HMCN2: variants seen among roughly 807,000 people sequenced by gnomAD.
HMCN2 encodes hemicentin-2.
HMCN2 carries 325 observed loss-of-function variants against 377.5 expected under a neutral mutation model. The ratio of observed to expected loss-of-function variants is 0.86; its 90% CI spans 0.79 to 0.94. HMCN2 has a LOEUF of 0.94. Among genes scored for constraint, HMCN2 ranks in the 40% least tolerant of loss-of-function variants. The pLI, the probability that HMCN2 is intolerant of heterozygous loss-of-function variation, is 0.00. For synonymous variants in HMCN2, 2,007 were observed against 2,046.8 expected, an observed-to-expected ratio of 0.98 and a Z score of 0.53; for missense variants, 4,543 against 4,725.3, an observed-to-expected ratio of 0.96 and a Z score of 1.13.
intron 23 of HMCN2, among the ~76,000 whole-genome samples, chr9:130,338,868 T>C: frequency 6.6e-6 from 1 of 152,200 alleles, no homozygotes; most frequent in East Asian, 1.9e-4. Context: ...TAATATTTTG[T>C]GATATTTCAA....
Position 130,296,779 on chromosome 9 carries a change from G to T in HMCN2, c.997G>T (p.Glu333Ter), listed in dbSNP as rs576084529. The T allele has an allele frequency of 2.1e-6, 1 of 471,140 alleles. No individual in the cohort carries two copies. The highest frequency in any genetic ancestry group is 2.3e-5 in the Admixed American group (1 of 42,576). 29.2% of individuals were successfully genotyped at this position (471,140 alleles called of 1,614,324 possible). The change falls in exon 7 of 98, where the codon GAG becomes TAG. Residue 333 changes from glutamate to a stop codon, truncating the protein, a stop_gained. Coordinates refer to ENST00000683500, the MANE Select transcript of HMCN2 (RefSeq NM_001291815.2). LOFTEE classifies it high-confidence loss of function. ...QPLLDLNHTL[E>*]WPLQGVPISL... ...CTTGCTGGACCTCAACCACACCCTC[G>T]AGTGGCCCTTGCAAGGTACAGTACC...
chr9:130,418,858 C>T lies in HMCN2; in HGVS notation c.13048C>T (p.Pro4350Ser). The change falls in exon 86 of 98, where the codon CCC becomes TCC. Residue 4350 changes from proline (P) to serine (S), a missense_variant. Pro to Ser is a moderately conservative substitution (Grantham distance 74). Transcript: ENST00000683500. ...CCTGCGGTGCCAGGCCACTGGAGAG[C>T]CCACACCCACCATTGAATGGCTACA... is the stretch of plus-strand genomic sequence containing the variant. Reference protein sequence around the residue: ...VALRCQATGEPTPTIEWLQAG... With the variant: ...VALRCQATGESTPTIEWLQAG... 1 of 1,549,124 alleles carries T rather than the reference C, an allele frequency of 6.5e-7. No homozygotes were observed. The highest frequency in any genetic ancestry group is 8.7e-7 in the Non-Finnish European group (1 of 1,146,014).
In HMCN2 at chr9:130,385,589, G is replaced by T; in HGVS notation, c.9136G>T (p.Gly3046Cys). ...VPPAFRQAPRGPQDAVLVRVG... is the reference protein window; with the variant it reads ...VPPAFRQAPRCPQDAVLVRVG... ...CCCGGCCTTCAGGCAGGCTCCCAGAGGTCCCCAGGATGCGGTCCTGGTGAG... is the reference window on the plus strand; with the variant it reads ...CCCGGCCTTCAGGCAGGCTCCCAGATGTCCCCAGGATGCGGTCCTGGTGAG... The change falls in exon 60 of 98, where the codon GGT becomes TGT. Residue 3046 changes from glycine to cysteine, a missense_variant. This residue lies in a region of HMCN2 where 736 missense variants were observed against 773.2 expected (regional missense o/e 0.95). Transcript: ENST00000683500. The T allele has an allele frequency of 5.4e-6, 7 of 1,304,220 alleles. No individual in the cohort carries two copies. The highest frequency in any genetic ancestry group is 7.1e-6 in the Non-Finnish European group (7 of 988,908). 80.8% of individuals were successfully genotyped at this position (1,304,220 alleles called of 1,614,324 possible). A position where few individuals can be genotyped will look rare whatever the true frequency, so the allele number is the denominator to read the frequency against.
At position 130,304,496 on chromosome 9, in the gene HMCN2, C is replaced by T. The variant is rs982946760; in HGVS notation, c.1544-234C>T. ...TGTATTTTGGAGAGCAGGCGTGTAC[C>T]GTGCAGCCCCTGGCAGGTGTATAAT... On this transcript the variant is annotated intron_variant, in intron 10 of 97. Coordinates refer to ENST00000683500, the MANE Select transcript of HMCN2 (RefSeq NM_001291815.2). This position sits in a 1 kb window ranked among gnomAD's most constrained non-coding sequence, Gnocchi z 4.3. 4.6e-5 allele frequency among the ~76,000 whole-genome samples: 7 copies of T among 152,170 alleles called. No individual in the cohort carries two copies. Among genetic ancestry groups the T allele is most frequent in the African/African-American group, 1.7e-4 (7 of 41,432 alleles).
At chr9:130,266,481 T>C (rs1464840997) in intron 1 of HMCN2, among the ~76,000 whole-genome samples, 1 of 152,248 alleles carries the variant, frequency 6.6e-6, no homozygotes, top group African/African-American at 2.4e-5. Flanking sequence ...TGCTGAGATG[T>C]TGAAATGAGG....
chr9:130,408,106 C>A (rs1456545778), intron 83 of HMCN2, among the ~76,000 whole-genome samples: 2 of 152,194 alleles, frequency 1.3e-5, no homozygotes, highest in African/African-American at 4.8e-5. Flanking sequence ...ACCTACTCAT[C>A]CACCAGGAGT....
In HMCN2 at chr9:130,351,195, A is replaced by G. The variant is rs914977; in HGVS notation, c.4431-228A>G. ...TTTCCAGGTTCATCCATACTGTGGC[A>G]AGTGTCAGAATTGCCTTCATTTTTG... On this transcript the variant is annotated intron_variant, in intron 29 of 97. Coordinates refer to ENST00000683500, the MANE Select transcript of HMCN2 (RefSeq NM_001291815.2). The surrounding 1 kb of genome is among the most constrained non-coding windows in gnomAD (Gnocchi z 5.4). Among the ~76,000 whole-genome samples, 100,295 of 151,996 alleles carry G rather than the reference A, an allele frequency of 0.66. 34,418 individuals are homozygous for G. The highest frequency in any genetic ancestry group is 0.76 in the Non-Finnish European group (51,909 of 67,964).
chr9:130,285,913 C>G (rs187589301), intron 3 of HMCN2, among the ~76,000 whole-genome samples: 2 of 152,186 alleles, frequency 1.3e-5, no homozygotes, highest in Non-Finnish European at 2.9e-5. Context: ...CTTCCACGCT[C>G]GTCTTTATTG....
chr9:130,393,856 T>C lies in HMCN2; in HGVS notation c.10349T>C (p.Met3450Thr), dbSNP rs1489126177. ...RGVPLPLVSW[M>T]KDGEPLLSQS... ...GTTCCCCTGCCTCTCGTGTCGTGGA[T>C]GAAGGATGGGGAACCCTTGTTGTCC... Residue 3450 changes from methionine (M) to threonine (T), a missense_variant, in exon 68 of 98, where the codon ATG becomes ACG. Coordinates refer to ENST00000683500, the MANE Select transcript of HMCN2 (RefSeq NM_001291815.2). This position sits in a 1 kb window ranked among gnomAD's most constrained non-coding sequence, Gnocchi z 5.2. 10 of 1,289,424 alleles carry C rather than the reference T, an allele frequency of 7.8e-6. No homozygotes were observed. The East Asian group carries it at 5.6e-4, about 72-fold the overall frequency. The allele number at this position is 1,289,424 out of a possible 1,614,324, so 79.9% of individuals were successfully genotyped here.
Position 130,430,514 on chromosome 9 carries a change from G to T in HMCN2, c.14557G>T (p.Val4853Phe). The T allele has an allele frequency of 6.4e-7, 1 of 1,550,588 alleles. No individual in the cohort carries two copies. Among genetic ancestry groups the T allele is most frequent in the South Asian group, 1.2e-5 (1 of 84,064 alleles). Reference protein sequence around the residue: ...SIPGTSYHAWVSLRPGPMALS... With the variant: ...SIPGTSYHAWFSLRPGPMALS... ...CCCCGGTACCTCCTACCACGCCTGG[G>T]TCTCTCTCCGTCCGGGTCCCATGGC... Residue 4853 changes from valine to phenylalanine, a missense_variant, in exon 95 of 98, where the codon GTC (valine) becomes TTC (phenylalanine). Physicochemically the swap from Val to Phe is conservative, Grantham distance 50. Around this residue, in one of 5 missense-constraint regions of HMCN2, gnomAD observed 1,155 missense variants for 1,157.7 expected, o/e 1.00. Transcript: ENST00000683500.
Position 130,392,068 on chromosome 9 carries a change from C to T in HMCN2, c.10086C>T (p.Pro3362=). ...IHVSWLKDGL[P]LPLSQRTLLH... is the part of the protein sequence containing the mutation. ...TGAGCTGGCTCAAGGACGGCCTGCC[C>T]CTCCCGCTCTCCCAGCGCACCCTCC... Residue 3362 remains proline (P), a synonymous_variant, in exon 66 of 98, where the codon CCC becomes CCT. Coordinates refer to ENST00000683500, the MANE Select transcript of HMCN2 (RefSeq NM_001291815.2). 1.0e-6 allele frequency: 1 copy of T among 988,516 alleles called. No individual in the cohort carries two copies. Among genetic ancestry groups the T allele is most frequent in the Non-Finnish European group, 1.2e-6 (1 of 830,552 alleles). 61.2% of individuals were successfully genotyped at this position (988,516 alleles called of 1,614,324 possible). A position where few individuals can be genotyped will look rare whatever the true frequency, so the allele number is the denominator to read the frequency against.
chr9:130,416,227 C>T (rs2131775493), intron 85 of HMCN2, among the ~76,000 whole-genome samples: 2 of 151,952 alleles, frequency 1.3e-5, no homozygotes, highest in East Asian at 3.9e-4. Context: ...GCCTCAGCCT[C>T]CCAAATAGCT....
chr9:130,410,547 C>A, intron 84 of HMCN2, 24 bp from the exon 85 acceptor site: 1 of 1,547,866 alleles, frequency 6.5e-7, no homozygotes, highest in Non-Finnish European at 8.7e-7. Flanking sequence ...AGCACCATGC[C>A]TCCTCTCCTG....
chr9:130,377,523 A>C, intron 52 of HMCN2, 126 bp from the exon 53 acceptor site: 1 of 375,524 alleles, frequency 2.7e-6, no homozygotes, highest in African/African-American at 2.2e-5. Context: ...TAAACGTCTC[A>C]GGGTGTTCTT....
At chr9:130,402,594 T>C (rs1842904220) in intron 77 of HMCN2, among the ~76,000 whole-genome samples, 195 bp from the exon 78 acceptor site, 1 of 152,174 alleles carries the variant, frequency 6.6e-6, no homozygotes, top group East Asian at 1.9e-4. Context: ...CTCGCCCATG[T>C]CTCTGCTTTG....
chr9:130,281,455 C>T (rs1422904283), intron 1 of HMCN2, among the ~76,000 whole-genome samples: 3 of 151,786 alleles, frequency 2.0e-5, no homozygotes, highest in African/African-American at 4.8e-5. Context: ...AAAATTAGCC[C>T]GGCATGGCGG....
At chr9:130,288,422 T>C (rs1835544733) in intron 4 of HMCN2, among the ~76,000 whole-genome samples, 1 of 152,224 alleles carries the variant, frequency 6.6e-6, no homozygotes, top group African/African-American at 2.4e-5. Context: ...CTTAATGCCT[T>C]GGACATAGCC....
intron 22 of HMCN2, among the ~76,000 whole-genome samples, chr9:130,334,515 C>T (rs1377947082): frequency 2.1e-5 from 3 of 140,422 alleles, no homozygotes; most frequent in African/African-American, 7.8e-5. Flanking sequence ...AAGATACCCA[C>T]TTTTATTGGT....
intron 32 of HMCN2, among the ~76,000 whole-genome samples, 159 bp downstream of exon 32, chr9:130,355,203 G>C (rs983132593): frequency 3.3e-5 from 5 of 152,188 alleles, no homozygotes; most frequent in Admixed American, 1.3e-4. Flanking sequence ...GCTGAGGCCT[G>C]GGCTGTGGGG....
Sources: allele counts gnomAD v4.1 joint callset (sites outside exome capture counted in the v4.1 genomes callset), GRCh38; gene constraint gnomAD v4.1.1; regional missense constraint gnomAD v4.1.1; non-coding constraint Gnocchi (gnomAD v3.1); transcripts MANE v1.5; gene names NCBI Gene and HGNC (gene_info 2026-07-23, HGNC 2026-07-21).